APBB1IP: variants seen among roughly 807,000 people sequenced by gnomAD.
APBB1IP encodes amyloid beta precursor protein binding family B member 1 interacting protein, also known as amyloid beta A4 precursor protein-binding family B member 1-interacting protein.
In APBB1IP, 27 loss-of-function variants were observed where a neutral mutation model predicts 64.9. The observed-to-expected ratio is 0.42, with a 90% CI of 0.31 to 0.57. The LOEUF is 0.57. Ranked by LOEUF, APBB1IP falls within the 20% of genes least tolerant of loss-of-function variation. The pLI, the probability that APBB1IP is intolerant of heterozygous loss-of-function variation, is 0.20. For synonymous variants in APBB1IP, 392 were observed against 331.0 expected, an observed-to-expected ratio of 1.18 and a Z score of -2.00; for missense variants, 812 against 845.5, an observed-to-expected ratio of 0.96 and a Z score of 0.49.
chr10:26,546,157 C>T (rs1335868231), intron 11 of APBB1IP, among the ~76,000 whole-genome samples: 1 of 152,172 alleles, frequency 6.6e-6, no homozygotes, highest in Non-Finnish European at 1.5e-5. Flanking sequence ...TGAGAGCGTC[C>T]AGCCCTTCTT....
Position 26,567,693 on chromosome 10 carries a change from T to C in APBB1IP, c.*205T>C. On this transcript the variant is annotated 3_prime_UTR_variant, in exon 15 of 15. Coordinates refer to ENST00000376236, the MANE Select transcript of APBB1IP (RefSeq NM_019043.4). ...ATGTACATATCGTTCCCATGTATTT[T>C]AACCTAAATGGAATGTATCTTCCCT... 1 of 1,233,372 alleles carries C rather than the reference T, an allele frequency of 8.1e-7. No homozygotes were observed. The highest frequency in any genetic ancestry group is 1.0e-6 in the Non-Finnish European group (1 of 956,048). The allele number at this position is 1,233,372 out of a possible 1,614,324, so 76.4% of individuals were successfully genotyped here. A position where few individuals can be genotyped will look rare whatever the true frequency, so the allele number is the denominator to read the frequency against.
At chr10:26,560,569 T>C (rs764751793) in intron 12 of APBB1IP, among the ~76,000 whole-genome samples, 161 bp from the exon 13 acceptor site, 2 of 152,204 alleles carry the variant, frequency 1.3e-5, no homozygotes, top group Non-Finnish European at 2.9e-5. Context: ...TGAATGTGTA[T>C]TTGTTAAATT....
At position 26,496,318 on chromosome 10, in the gene APBB1IP, C is replaced by T; in HGVS notation, c.87C>T (p.Asp29=). 3 of 1,612,142 alleles carry T rather than the reference C, an allele frequency of 1.9e-6. No individual in the cohort carries two copies. Among genetic ancestry groups the T allele is most frequent in the African/African-American group, 1.3e-5 (1 of 74,910 alleles). The part of the protein sequence containing the change: ...MDLLTQSLGV[D]TLPPPDPNPP... The stretch of plus-strand genomic sequence containing the variant: ...TTTTTTCACAGAGTTTAGGAGTTGA[C>T]ACTCTCCCTCCTCCTGACCCTAATC... The change falls in exon 4 of 15, where the codon GAC becomes GAT. Residue 29 remains aspartate (D), a synonymous_variant. Coordinates refer to ENST00000376236, the MANE Select transcript of APBB1IP (RefSeq NM_019043.4).
chr10:26,446,462 A>G (rs148386096), intron 2 of APBB1IP, among the ~76,000 whole-genome samples: 1 of 152,180 alleles, frequency 6.6e-6, no homozygotes, highest in African/African-American at 2.4e-5. Flanking sequence ...AATGTCGGTA[A>G]GTGCTATGCA....
intron 5 of APBB1IP, 151 bp from the exon 6 acceptor site, chr10:26,503,046 A>T: frequency 1.5e-6 from 1 of 676,358 alleles, no homozygotes; most frequent in Non-Finnish European, 2.4e-6. Context: ...GTATGCCTTT[A>T]AAAAGTAATT....
intron 8 of APBB1IP, among the ~76,000 whole-genome samples, chr10:26,518,032 G>A (rs1564367110): frequency 6.6e-6 from 1 of 152,138 alleles, no homozygotes; most frequent in East Asian, 1.9e-4. Context: ...TAGGCTCACT[G>A]CAACTTCTGC....
At chr10:26,548,816 A>G (rs1050775126) in intron 11 of APBB1IP, among the ~76,000 whole-genome samples, 48 of 152,258 alleles carry the variant, frequency 3.2e-4, no homozygotes, top group Admixed American at 1.5e-3. Context: ...CTCCTTTCCA[A>G]TTTGGATGCC....
chr10:26,539,320 G>A (rs1398932359), intron 10 of APBB1IP, among the ~76,000 whole-genome samples: 1 of 151,682 alleles, frequency 6.6e-6, no homozygotes, highest in African/African-American at 2.4e-5. Flanking sequence ...GCTGATCCGG[G>A]AGGATCATTT....
intron 11 of APBB1IP, among the ~76,000 whole-genome samples, chr10:26,552,558 T>A (rs56395480): frequency 0.14 from 21,847 of 151,102 alleles, 1,670 homozygotes; most frequent in Middle Eastern, 0.19. Context: ...ACAGTCACAC[T>A]GTTGCACTGT....
chr10:26,482,551 C>T (rs756161689), intron 2 of APBB1IP, among the ~76,000 whole-genome samples: 9 of 152,104 alleles, frequency 5.9e-5, no homozygotes, highest in Non-Finnish European at 1.0e-4. Context: ...TTCTGTAGTG[C>T]GTATTTCATC....
intron 8 of APBB1IP, among the ~76,000 whole-genome samples, chr10:26,524,955 C>CTTTTTTTT (rs56982662): frequency 3.8e-4 from 28 of 73,948 alleles, no homozygotes; most frequent in Admixed American, 1.1e-3. Context: ...TTCTTTCTTT[C>CTTTTTTTT]TTTTTTTTTT....
chr10:26,538,198 G>A (rs1193358659), intron 10 of APBB1IP, among the ~76,000 whole-genome samples: 1 of 152,040 alleles, frequency 6.6e-6, no homozygotes, highest in African/African-American at 2.4e-5. Context: ...TATATATAAT[G>A]CAAACCATAA....
chr10:26,514,676 T>TAA (rs33916010), intron 8 of APBB1IP, among the ~76,000 whole-genome samples: 9,594 of 147,216 alleles, frequency 0.065, 315 homozygotes, highest in East Asian at 0.1. Flanking sequence ...TTTTACAGGT[T>TAA]AAAAAAAAAA....
chr10:26,464,688 C>T (rs1051501036), intron 2 of APBB1IP, among the ~76,000 whole-genome samples: 2 of 152,206 alleles, frequency 1.3e-5, no homozygotes, highest in African/African-American at 4.8e-5. Context: ...GGATTACAGG[C>T]GTGAGCCACC....
chr10:26,557,929 T>A (rs1430777630), intron 11 of APBB1IP, among the ~76,000 whole-genome samples: 1 of 152,164 alleles, frequency 6.6e-6, no homozygotes, highest in Non-Finnish European at 1.5e-5. Flanking sequence ...GAAAGAGAAG[T>A]GGAGAGGTCC....
At chr10:26,462,094 G>A (rs897048356) in intron 2 of APBB1IP, among the ~76,000 whole-genome samples, 7 of 152,162 alleles carry the variant, frequency 4.6e-5, no homozygotes. Flanking sequence ...AGCCATGCTT[G>A]TTTGTTTACG....
Position 26,567,273 on chromosome 10 carries a change from T to G in APBB1IP, c.1786T>G (p.Ser596Ala). ...GCCGTCGTACGCAGGGATCGCGGGC[T>G]CAGAGCTGCCCCCGCCGCCGCCGCC... ...PPPSYAGIAG[S>A]ELPPPPPPPP... is the part of the protein sequence containing the mutation. Residue 596 changes from serine (S) to alanine (A), a missense_variant, in exon 15 of 15, where the codon TCA becomes GCA. By Grantham distance (99) the Ser-to-Ala change is moderately conservative. Transcript: ENST00000376236. 8.4e-7 allele frequency: 1 copy of G among 1,197,356 alleles called. No homozygotes were observed. The highest frequency in any genetic ancestry group is 1.0e-6 in the Non-Finnish European group (1 of 962,206). 74.2% of individuals were successfully genotyped at this position (1,197,356 alleles called of 1,614,324 possible).
chr10:26,475,155 C>T (rs1452478121), intron 2 of APBB1IP, among the ~76,000 whole-genome samples: 1 of 149,534 alleles, frequency 6.7e-6, no homozygotes, highest in African/African-American at 2.5e-5. Context: ...TAGAGTCTCA[C>T]TCTGTTGTCC....
chr10:26,494,129 G>A (rs1835991639), intron 3 of APBB1IP, among the ~76,000 whole-genome samples: 1 of 152,152 alleles, frequency 6.6e-6, no homozygotes, highest in African/African-American at 2.4e-5. Context: ...GGGAGTTATG[G>A]TGACCTTGTG....
Sources: gnomAD v4.1 joint callset for allele counts (sites outside exome capture counted in the v4.1 genomes callset) on GRCh38, gnomAD v4.1.1 for gene constraint, MANE v1.5 for transcripts, NCBI Gene and HGNC (gene_info 2026-07-23, HGNC 2026-07-21) for gene names.